Variants in PRTFDC1 observed in about 807,000 individuals in gnomAD.
PRTFDC1 encodes the protein phosphoribosyl transferase domain containing 1.
In PRTFDC1, 38 loss-of-function variants were observed where a neutral mutation model predicts 34.6. The ratio of observed to expected loss-of-function variants is 1.10; its 90% CI spans 0.85 to 1.44. The LOEUF (loss-of-function observed/expected upper bound fraction) is 1.44, where lower values mean the gene tolerates loss of function less well. Among genes scored for constraint, PRTFDC1 ranks in the 40% most tolerant of loss-of-function variants. The probability of loss-of-function intolerance (pLI) is 0.00; values close to 1 mark genes in which losing one functional copy is unlikely to be tolerated. For synonymous variants in PRTFDC1, 93 were observed against 98.1 expected (o/e 0.95, Z 0.31); for missense variants, 270 against 283.0 (o/e 0.95, Z 0.33).
chr10:24,857,434 T>C (rs1308881784), intron 5 of PRTFDC1, among the ~76,000 whole-genome samples: 1 of 152,052 alleles, frequency 6.6e-6, no homozygotes, highest in Non-Finnish European at 1.5e-5. Flanking sequence ...CAATGGGGGA[T>C]TCTATGGCTG....
intron 3 of PRTFDC1, among the ~76,000 whole-genome samples, chr10:24,932,551 G>C (rs2132600777): frequency 6.6e-6 from 1 of 151,824 alleles, no homozygotes; most frequent in South Asian, 2.1e-4. Flanking sequence ...AATATAATAG[G>C]ATCAAAATCA....
chr10:24,929,111 G>C (rs896189529), intron 3 of PRTFDC1, among the ~76,000 whole-genome samples: 9 of 150,218 alleles, frequency 6.0e-5, no homozygotes, highest in African/African-American at 2.2e-4. Flanking sequence ...TTGCTACTTG[G>C]AAACAGTTCA....
intron 3 of PRTFDC1, among the ~76,000 whole-genome samples, chr10:24,897,759 A>G (rs1013082369): frequency 1.3e-5 from 2 of 152,252 alleles, no homozygotes; most frequent in Non-Finnish European, 2.9e-5. Context: ...GTGAAAAAAT[A>G]GACGCTTTCT....
At chr10:24,913,980 T>C (rs1459563463) in intron 3 of PRTFDC1, among the ~76,000 whole-genome samples, 3 of 152,208 alleles carry the variant, frequency 2.0e-5, no homozygotes, top group African/African-American at 7.2e-5. Flanking sequence ...CTTTGTCTAA[T>C]TTTTTGTACA....
At chr10:24,868,042 C>T (rs1321561140) in intron 4 of PRTFDC1, 1 of 152,198 alleles carries the variant, frequency 6.6e-6, no homozygotes, top group Non-Finnish European at 1.5e-5. Flanking sequence ...ATCCACTCGC[C>T]TCAGTCTCCC....
At chr10:24,895,039 G>A (rs1006356390) in intron 3 of PRTFDC1, among the ~76,000 whole-genome samples, 5 of 152,012 alleles carry the variant, frequency 3.3e-5, no homozygotes, top group African/African-American at 7.3e-5. Flanking sequence ...AGCAGAGAGG[G>A]GTTTGCCTAC....
intron 3 of PRTFDC1, among the ~76,000 whole-genome samples, chr10:24,905,545 C>A (rs1255726357): frequency 1.3e-5 from 2 of 151,878 alleles, no homozygotes; most frequent in African/African-American, 4.8e-5. Flanking sequence ...GGTCTCCTGA[C>A]CTTTTGATCC....
At chr10:24,935,318 G>A (rs1849032924) in intron 3 of PRTFDC1, among the ~76,000 whole-genome samples, 1 of 152,114 alleles carries the variant, frequency 6.6e-6, no homozygotes, top group African/African-American at 2.4e-5. Flanking sequence ...CTGGTATGAA[G>A]GAAGCACAGG....
At chr10:24,899,406 A>G (rs1351355952) in intron 3 of PRTFDC1, among the ~76,000 whole-genome samples, 1 of 152,138 alleles carries the variant, frequency 6.6e-6, no homozygotes. Context: ...ATGCTCTGAG[A>G]TCAACTGGAT....
rs5783910 is a variant in PRTFDC1, at chr10:24,927,581, A to AT, written c.339+9602dup. Among the ~76,000 whole-genome samples, 957 of 133,766 alleles carry AT rather than the reference A, an allele frequency of 7.2e-3. 27 individuals are homozygous for AT. In the East Asian group the frequency reaches 0.087, roughly 12 times the overall value. 87.8% of individuals were successfully genotyped at this position (133,766 alleles called of 152,430 possible). On this transcript the variant is annotated intron_variant, in intron 3 of 8. Coordinates refer to ENST00000320152, the MANE Select transcript of PRTFDC1 (RefSeq NM_020200.7). ...TATTGAAGTGATATTGCGGGACCCA[A>AT]TTTTTTTTTTTTTTTTTTTGAGACA... is the stretch of plus-strand genomic sequence containing the variant.
At chr10:24,936,801 A>AGTCTTAGGTC (rs1466211545) in intron 3 of PRTFDC1, among the ~76,000 whole-genome samples, 2 of 152,124 alleles carry the variant, frequency 1.3e-5, no homozygotes, top group Non-Finnish European at 1.5e-5. Flanking sequence ...TCTGGGCTGG[A>AGTCTTAGGTC]CACCCTCCCA....
In PRTFDC1 at chr10:24,895,257, T is replaced by C. The variant is rs567494703; in HGVS notation, c.340-23194A>G. 2.8e-5 allele frequency among the ~76,000 whole-genome samples: 4 copies of C among 140,458 alleles called. No individual in the cohort carries two copies. The South Asian group carries it at 7.1e-4, about 25-fold the overall frequency. The allele number at this position is 140,458 out of a possible 152,430, so 92.1% of individuals were successfully genotyped here. The stretch of plus-strand genomic sequence containing the variant: ...TCTTCTGGAAATCTCCACTTTCTTT[T>C]TTTTTTTTTTTTTGAGATGGAGTCG... On this transcript the variant is annotated intron_variant, in intron 3 of 8. Coordinates refer to ENST00000320152, the MANE Select transcript of PRTFDC1 (RefSeq NM_020200.7).
chr10:24,892,881 G>A (rs1010839856), intron 3 of PRTFDC1, among the ~76,000 whole-genome samples: 2 of 152,118 alleles, frequency 1.3e-5, no homozygotes, highest in African/African-American at 4.8e-5. Context: ...GGATACACGA[G>A]TGATTTTTAA....
At chr10:24,874,438 T>A (rs921852349) in intron 3 of PRTFDC1, among the ~76,000 whole-genome samples, 2 of 152,172 alleles carry the variant, frequency 1.3e-5, no homozygotes, top group Non-Finnish European at 1.5e-5. Context: ...TAGACTTAAA[T>A]ATGTTGTTAA....
chr10:24,872,645 C>T (rs1016837449), intron 3 of PRTFDC1, among the ~76,000 whole-genome samples: 8 of 151,186 alleles, frequency 5.3e-5, no homozygotes, highest in African/African-American at 1.9e-4. Context: ...CCAATTTCTG[C>T]AGTCCTAAGA....
rs1054656121 is a variant in PRTFDC1 at position 24,849,534 on chromosome 10, C to G, written c.*310G>C. On this transcript the variant is annotated 3_prime_UTR_variant, in exon 9 of 9. Coordinates refer to ENST00000320152, the MANE Select transcript of PRTFDC1 (RefSeq NM_020200.7). Reference sequence around the variant, plus strand: ...TGGGGGTATTCCTGGGAATACTAATCAAATATAATGACTGTATCAAAACAA... The same window carrying G: ...TGGGGGTATTCCTGGGAATACTAATGAAATATAATGACTGTATCAAAACAA... The G allele has an allele frequency of 3.9e-6, 1 of 256,992 alleles. No individual in the cohort carries two copies. Among genetic ancestry groups the G allele is most frequent in the African/African-American group, 2.2e-5 (1 of 45,278 alleles). The allele number at this position is 256,992 out of a possible 1,614,324, so 15.9% of individuals were successfully genotyped here.
intron 7 of PRTFDC1, among the ~76,000 whole-genome samples, chr10:24,854,406 T>C (rs905057027): frequency 6.6e-6 from 1 of 152,192 alleles, no homozygotes; most frequent in Non-Finnish European, 1.5e-5. Context: ...GTTTTCAGAA[T>C]GTAGAGTCAC....
intron 2 of PRTFDC1, among the ~76,000 whole-genome samples, chr10:24,938,953 C>T (rs1849098285): frequency 1.3e-5 from 2 of 152,154 alleles, no homozygotes; most frequent in African/African-American, 2.4e-5. Context: ...CAACTTCTAA[C>T]CAATTGTAGG....
intron 3 of PRTFDC1, among the ~76,000 whole-genome samples, chr10:24,884,127 C>A (rs971099521): frequency 6.7e-6 from 1 of 150,344 alleles, no homozygotes; most frequent in African/African-American, 2.4e-5. Flanking sequence ...CCACAGTGCC[C>A]GGCCAAGAGA....
Sources: gnomAD v4.1 joint callset for allele counts (sites outside exome capture counted in the v4.1 genomes callset) on GRCh38, gnomAD v4.1.1 for gene constraint, MANE v1.5 for transcripts, NCBI Gene and HGNC (gene_info 2026-07-23, HGNC 2026-07-21) for gene names.